The following CYB5R3 variants were observed in gnomAD, a reference collection of about 807,000 sequenced individuals.
CYB5R3 encodes cytochrome b5 reductase 3.
CYB5R3 carries 28 observed loss-of-function variants against 36.5 expected under a neutral mutation model. The observed-to-expected ratio is 0.77, with a 90% CI of 0.57 to 1.05. The LOEUF (loss-of-function observed/expected upper bound fraction) is 1.05, where lower values mean the gene tolerates loss of function less well. CYB5R3 is among the 50% of genes least tolerant of loss of function. The pLI is 0.00. For missense variants in CYB5R3, 474 were observed against 408.9 expected (o/e 1.16, Z -1.37); for synonymous variants, 181 against 159.8 (o/e 1.13, Z -1.00).
At chr22:42,629,550 G>A (rs770651633) in intron 4 of CYB5R3, among the ~76,000 whole-genome samples, 2 of 152,210 alleles carry the variant, frequency 1.3e-5, no homozygotes, top group African/African-American at 4.8e-5. Context: ...GGGCTCCTGA[G>A]GCCAGGCCTG....
chr22:42,629,115 C>T (rs1928472239), intron 4 of CYB5R3, among the ~76,000 whole-genome samples: 1 of 152,112 alleles, frequency 6.6e-6, no homozygotes, highest in Non-Finnish European at 1.5e-5. Context: ...AATTTGAATC[C>T]TCCTAATAGC....
chr22:42,647,026 C>A (rs1164506065), intron 1 of CYB5R3: 1 of 974,424 alleles, frequency 1.0e-6, no homozygotes, highest in African/African-American at 1.8e-5. Flanking sequence ...CTGGATCCCA[C>A]AAAGTGTTGG....
At chr22:42,644,738 A>T (rs1340717704) in intron 1 of CYB5R3, 1 of 813,200 alleles carries the variant, frequency 1.2e-6, no homozygotes, top group African/African-American at 1.9e-5. Context: ...ACAGGAAATC[A>T]CCATTGTTGG....
chr22:42,621,210 GTGTGTGTGTT>G (rs1927951212), intron 8 of CYB5R3, among the ~76,000 whole-genome samples: 1 of 148,984 alleles, frequency 6.7e-6, no homozygotes, highest in African/African-American at 2.5e-5. Context: ...GTGTGTGTGT[GTGTGTGTGTT>G]TTTAAGAGAC....
Position 42,636,702 on chromosome 22 carries a change from G to A in CYB5R3, c.153+13C>T, listed in dbSNP as rs775287573. The stretch of plus-strand genomic sequence containing the variant: ...GTGATGCTGACGAGGCAGCGGCGGC[G>A]GCCGGCACTCACCTCCCGGTCGATG... On this transcript the variant is annotated intron_variant, in intron 2 of 8. Transcript: ENST00000352397. The A allele has an allele frequency of 5.0e-5, 81 of 1,609,560 alleles. No individual in the cohort carries two copies. Among genetic ancestry groups the A allele is most frequent in the Middle Eastern group, 1.6e-4 (1 of 6,078 alleles).
chr22:42,635,831 A>G (rs1468821325), intron 2 of CYB5R3, among the ~76,000 whole-genome samples: 2 of 152,194 alleles, frequency 1.3e-5, no homozygotes, highest in African/African-American at 4.8e-5. Context: ...AGGGGCTCTG[A>G]AGAGGGCAAG....
chr22:42,640,002 C>A, intron 1 of CYB5R3: 1 of 1,612,674 alleles, frequency 6.2e-7, no homozygotes, highest in South Asian at 1.1e-5. Context: ...TGCCTGTGAT[C>A]TCTCTGACAT....
chr22:42,627,600 T>G lies in CYB5R3; in HGVS notation c.547+5A>C, dbSNP rs763936172. 3 of 1,613,088 alleles carry G rather than the reference T, an allele frequency of 1.9e-6. No homozygotes were observed. The highest frequency in any genetic ancestry group is 3.3e-5 in the Admixed American group (2 of 60,002). ...CCGGACGCCTCAGTGGGGGGTTCCG[T>G]GTACCTGTCCCTCCCGCGATCATGC... On this transcript the variant is annotated splice_donor_5th_base_variant and intron_variant, in intron 6 of 8. Transcript: ENST00000352397.
At chr22:42,619,994 A>T (rs1436892127) in intron 8 of CYB5R3, 49 bp from the exon 9 acceptor site, 1 of 1,540,516 alleles carries the variant, frequency 6.5e-7, no homozygotes. Context: ...TGTGGTCACC[A>T]ACCTGCTGAC....
chr22:42,644,440 C>T (rs1251004090), intron 1 of CYB5R3: 1 of 766,130 alleles, frequency 1.3e-6, no homozygotes. Flanking sequence ...TTCAGGCGTT[C>T]GCATATGCTC....
chr22:42,623,653 C>A, intron 8 of CYB5R3, 136 bp downstream of exon 8: 2 of 712,658 alleles, frequency 2.8e-6, no homozygotes. Context: ...TGAGACGGGG[C>A]CACACCACCT....
Position 42,627,671 on chromosome 22 carries a change from G to C in CYB5R3, c.481C>G (p.Pro161Ala), listed in dbSNP as rs756959192. The C allele has an allele frequency of 6.2e-7, 1 of 1,613,950 alleles. No homozygotes were observed. Among genetic ancestry groups the C allele is most frequent in the Non-Finnish European group, 8.5e-7 (1 of 1,179,832 alleles). The change falls in exon 6 of 9, where the codon CCT becomes GCT. Residue 161 changes from proline (P) to alanine (A), a missense_variant. Transcript: ENST00000352397. ...YQGKGKFAIRPDKKSNPIIRT... is the reference protein window; with the variant it reads ...YQGKGKFAIRADKKSNPIIRT... Reference sequence around the variant, plus strand: ...ATGATAGGGTTGGACTTTTTGTCAGGTCGGATGGCGAACTTCCCTGGGGAG... The same window carrying C: ...ATGATAGGGTTGGACTTTTTGTCAGCTCGGATGGCGAACTTCCCTGGGGAG...
At chr22:42,627,181 C>T in intron 7 of CYB5R3, 123 bp downstream of exon 7, 1 of 851,480 alleles carries the variant, frequency 1.2e-6, no homozygotes, top group Non-Finnish European at 1.9e-6. Flanking sequence ...TTCAGGGCCC[C>T]CCATCCCGGT....
chr22:42,622,593 G>T (rs1928041292), intron 8 of CYB5R3, among the ~76,000 whole-genome samples: 1 of 152,188 alleles, frequency 6.6e-6, no homozygotes, highest in African/African-American at 2.4e-5. Context: ...GGTCATCTGA[G>T]AAGGGCGGCT....
intron 1 of CYB5R3, among the ~76,000 whole-genome samples, chr22:42,640,948 CCAG>C (rs1264499068): frequency 6.6e-6 from 1 of 152,134 alleles, no homozygotes; most frequent in East Asian, 1.9e-4. Flanking sequence ...CCTCCAACTC[CCAG>C]GTTGAAGCAA....
rs553443265 is a variant in CYB5R3 at position 42,627,873 on chromosome 22, G to A, written c.464-185C>T. On this transcript the variant is annotated intron_variant, in intron 5 of 8. Transcript: ENST00000352397. ...GAGAGGCTGGGAACCCGGAGGCTCA[G>A]CTCTGTCCTCTTGCTTGCTTGTTTC... Among the ~76,000 whole-genome samples the A allele has an allele frequency of 5.3e-5, 8 of 152,312 alleles. No individual in the cohort carries two copies. In the South Asian group the frequency reaches 1.7e-3, roughly 32 times the overall value.
chr22:42,642,629 G>A (rs1366331457), intron 1 of CYB5R3, among the ~76,000 whole-genome samples: 2 of 152,244 alleles, frequency 1.3e-5, no homozygotes, highest in Middle Eastern at 3.4e-3. Flanking sequence ...TAGTAGAGAC[G>A]GGGTTTCACT....
At chr22:42,640,341 C>T (rs569322826) in intron 1 of CYB5R3, 13 of 1,093,496 alleles carry the variant, frequency 1.2e-5, no homozygotes, top group South Asian at 2.8e-5. Flanking sequence ...AAGGACCCTG[C>T]GTGGTTCACT....
In CYB5R3 at chr22:42,628,156, G is replaced by GC; in HGVS notation, c.458dup (p.Lys154GlnfsTer9). ...AGGGATTCCGACCCGAATCACCTTT[G>GC]CCCTGGTAGACCAGCAGCCCACTGG... On this transcript the variant is annotated frameshift_variant, in exon 5 of 9. Coordinates refer to ENST00000352397, the MANE Select transcript of CYB5R3 (RefSeq NM_000398.7). LOFTEE classifies it high-confidence loss of function. 17 of 1,613,986 alleles carry GC rather than the reference G, an allele frequency of 1.1e-5. No homozygotes were observed. Among genetic ancestry groups the GC allele is most frequent in the Non-Finnish European group, 1.4e-5 (17 of 1,179,944 alleles).
Sources: allele counts gnomAD v4.1 joint callset (sites outside exome capture counted in the v4.1 genomes callset), GRCh38; gene constraint gnomAD v4.1.1; transcripts MANE v1.5; gene names NCBI Gene and HGNC (gene_info 2026-07-23, HGNC 2026-07-21).